The following NLK variants were observed in gnomAD, a reference collection of about 807,000 sequenced individuals.
NLK encodes the protein serine/threonine-protein kinase NLK.
A neutral mutation model predicts 59.0 loss-of-function variants in NLK; 11 were observed. That is an observed-to-expected ratio of 0.19 (90% CI 0.12 to 0.31). The LOEUF is 0.31. Among genes scored for constraint, NLK ranks in the 10% least tolerant of loss-of-function variants. The pLI, the probability that NLK is intolerant of heterozygous loss-of-function variation, is 1.00. For synonymous variants in NLK, 235 were observed against 235.9 expected (o/e 1.00, Z 0.03); for missense variants, 410 against 661.1 (o/e 0.62, Z 4.16).
chr17:28,149,028 A>G (rs1259004610), intron 3 of NLK, among the ~76,000 whole-genome samples: 2 of 152,220 alleles, frequency 1.3e-5, no homozygotes, highest in African/African-American at 4.8e-5. Context: ...CACTCAATAA[A>G]TGTCCATTTT....
chr17:28,178,022 T>C (rs1385512533), intron 7 of NLK, among the ~76,000 whole-genome samples: 2 of 152,200 alleles, frequency 1.3e-5, no homozygotes, highest in African/African-American at 4.8e-5. Context: ...GCAAAAGCTT[T>C]CCTAGAAGCC....
chr17:28,133,969 T>TG (rs1453065521), intron 3 of NLK, among the ~76,000 whole-genome samples: 1 of 152,026 alleles, frequency 6.6e-6, no homozygotes, highest in African/African-American at 2.4e-5. Context: ...GTAATAGAAT[T>TG]GTCACTGATC....
intron 2 of NLK, among the ~76,000 whole-genome samples, chr17:28,128,495 T>C (rs1028993312): frequency 6.6e-6 from 1 of 152,188 alleles, no homozygotes; most frequent in East Asian, 1.9e-4. Flanking sequence ...CTTCTATAAA[T>C]GAAGACGTTT....
At chr17:28,135,914 C>G (rs1191456916) in intron 3 of NLK, among the ~76,000 whole-genome samples, 1 of 152,078 alleles carries the variant, frequency 6.6e-6, no homozygotes, top group Non-Finnish European at 1.5e-5. Context: ...TTAATTGAGT[C>G]TAGGAGATCT....
intron 1 of NLK, among the ~76,000 whole-genome samples, chr17:28,051,592 C>T (rs1053284359): frequency 6.6e-6 from 1 of 151,036 alleles, no homozygotes; most frequent in Non-Finnish European, 1.5e-5. Flanking sequence ...CTCTTGACCT[C>T]GTGATCGGCC....
intron 1 of NLK, among the ~76,000 whole-genome samples, chr17:28,066,116 A>C (rs1305038122): frequency 6.6e-6 from 1 of 152,070 alleles, no homozygotes; most frequent in Non-Finnish European, 1.5e-5. Flanking sequence ...TTACTCCACT[A>C]TTATCTTCTT....
intron 1 of NLK, among the ~76,000 whole-genome samples, chr17:28,069,676 C>G (rs1555556421): frequency 1.3e-5 from 2 of 150,956 alleles, no homozygotes; most frequent in Non-Finnish European, 3.0e-5. Context: ...GTTGGCATGT[C>G]TTTTTTTTTC....
intron 2 of NLK, among the ~76,000 whole-genome samples, chr17:28,128,628 T>C (rs78561454): frequency 0.032 from 4,855 of 152,198 alleles, 236 homozygotes; most frequent in African/African-American, 0.11. Context: ...ACCCAACAGA[T>C]TGGCTGAAAT....
intron 1 of NLK, among the ~76,000 whole-genome samples, chr17:28,117,413 C>T (rs967107107): frequency 1.3e-5 from 2 of 152,150 alleles, no homozygotes; most frequent in Non-Finnish European, 2.9e-5. Context: ...GATGGCTTAC[C>T]TGTTGCTTAG....
At chr17:28,045,418 TC>T (rs1429489076) in intron 1 of NLK, among the ~76,000 whole-genome samples, 1 of 152,216 alleles carries the variant, frequency 6.6e-6, no homozygotes, top group African/African-American at 2.4e-5. Flanking sequence ...AGGCTAGAAA[TC>T]CAATATCAAG....
intron 1 of NLK, chr17:28,048,800 G>A (rs1597651310): frequency 6.6e-6 from 1 of 152,176 alleles, no homozygotes; most frequent in Admixed American, 6.5e-5. Flanking sequence ...AGAATTAACT[G>A]TTCATATACT....
At position 28,095,154 on chromosome 17, in the gene NLK, T is replaced by C. The variant is rs35313763; in HGVS notation, c.459-27449T>C. On this transcript the variant is annotated intron_variant, in intron 1 of 10. Coordinates refer to ENST00000407008, the MANE Select transcript of NLK (RefSeq NM_016231.5). ...GAGTGCTAGAAAAGGATTGTCCTCA[T>C]GGGGAAAGAGACCATGAGTTATACA... Among the ~76,000 whole-genome samples, 650 of 152,268 alleles carry C rather than the reference T, an allele frequency of 4.3e-3. 3 individuals are homozygous for C. Among genetic ancestry groups the C allele is most frequent in the African/African-American group, 0.014 (600 of 41,538 alleles).
At chr17:28,070,302 A>G (rs1208532297) in intron 1 of NLK, among the ~76,000 whole-genome samples, 2 of 151,706 alleles carry the variant, frequency 1.3e-5, no homozygotes, top group African/African-American at 4.8e-5. Flanking sequence ...TTTTTTCTGG[A>G]AGTTTTAAGG....
chr17:28,180,032 CTG>C (rs1908845950), intron 7 of NLK, among the ~76,000 whole-genome samples: 1 of 152,082 alleles, frequency 6.6e-6, no homozygotes, highest in African/African-American at 2.4e-5. Context: ...AATGCAGTAT[CTG>C]TAGCACTTCG....
At chr17:28,194,546 A>G in intron 10 of NLK, 36 bp from the exon 11 acceptor site, 1 of 1,526,550 alleles carries the variant, frequency 6.6e-7, no homozygotes, top group Non-Finnish European at 9.0e-7. Flanking sequence ...CCATTGTGAC[A>G]TTACAACTAA....
At chr17:28,146,628 A>G (rs1336248606) in intron 3 of NLK, among the ~76,000 whole-genome samples, 1 of 152,176 alleles carries the variant, frequency 6.6e-6, no homozygotes, top group African/African-American at 2.4e-5. Context: ...TTTGATTCCA[A>G]AGCCTACAAC....
intron 1 of NLK, among the ~76,000 whole-genome samples, chr17:28,059,655 T>G (rs1909561823): frequency 6.6e-6 from 1 of 152,232 alleles, no homozygotes; most frequent in Non-Finnish European, 1.5e-5. Flanking sequence ...TAGTGTATAC[T>G]AGAGATCCTT....
intron 1 of NLK, among the ~76,000 whole-genome samples, chr17:28,055,718 A>G (rs1183209293): frequency 1.3e-5 from 2 of 152,222 alleles, no homozygotes; most frequent in Non-Finnish European, 2.9e-5. Context: ...AATGTTAGCT[A>G]TCACAATTAT....
intron 4 of NLK, among the ~76,000 whole-genome samples, chr17:28,161,628 C>G (rs1908009802): frequency 6.6e-6 from 1 of 152,138 alleles, no homozygotes; most frequent in African/African-American, 2.4e-5. Flanking sequence ...TGACTATATC[C>G]CCTATGGATG....
Sources: allele counts gnomAD v4.1 joint callset (sites outside exome capture counted in the v4.1 genomes callset), GRCh38; gene constraint gnomAD v4.1.1; transcripts MANE v1.5; gene names NCBI Gene and HGNC (gene_info 2026-07-23, HGNC 2026-07-21).